MAML3: variants seen among roughly 807,000 people sequenced by gnomAD.
MAML3 encodes the protein mastermind like transcriptional coactivator 3.
Under a neutral mutation model 101.9 loss-of-function variants are expected in MAML3, and 27 were observed. The observed-to-expected ratio is 0.27, with a 90% CI of 0.20 to 0.37. The LOEUF (loss-of-function observed/expected upper bound fraction) is 0.37, where lower values mean the gene tolerates loss of function less well. Ranked by LOEUF, MAML3 falls within the 10% of genes least tolerant of loss-of-function variation. MAML3 has a pLI of 1.00. For missense variants in MAML3, 1,316 were observed against 1,444.9 expected (o/e 0.91, Z 1.45); for synonymous variants, 501 against 555.9 (o/e 0.90, Z 1.39).
chr4:139,985,334 C>T (rs1734516759), intron 1 of MAML3, among the ~76,000 whole-genome samples: 1 of 152,172 alleles, frequency 6.6e-6, no homozygotes, highest in African/African-American at 2.4e-5. Flanking sequence ...AGAAGGAAAA[C>T]CTGATCATGA....
intron 1 of MAML3, among the ~76,000 whole-genome samples, chr4:140,149,894 CTAAT>C (rs1324198135): frequency 6.7e-6 from 1 of 148,958 alleles, no homozygotes; most frequent in Non-Finnish European, 1.5e-5. Flanking sequence ...AACTTTTAAA[CTAAT>C]TATTTTAAAA....
At chr4:140,005,721 C>T (rs992758564) in intron 1 of MAML3, among the ~76,000 whole-genome samples, 1 of 152,132 alleles carries the variant, frequency 6.6e-6, no homozygotes, top group African/African-American at 2.4e-5. Flanking sequence ...TTAATGAGCG[C>T]CATAAACATT....
chr4:140,064,091 A>G (rs1225342630), intron 1 of MAML3, among the ~76,000 whole-genome samples: 1 of 152,078 alleles, frequency 6.6e-6, no homozygotes, highest in African/African-American at 2.4e-5. Flanking sequence ...CATCGTCCCC[A>G]CTTCTTACTG....
intron 2 of MAML3, among the ~76,000 whole-genome samples, chr4:139,780,619 TTTTC>T (rs1730182192): frequency 7.2e-6 from 1 of 138,114 alleles, no homozygotes; most frequent in Non-Finnish European, 1.6e-5. Flanking sequence ...TCTTTCTTTC[TTTTC>T]TTTTTTTTTT....
rs1213074012 is a variant in MAML3 at position 139,735,638 on chromosome 4, T to C, written c.2080-4971A>G. On this transcript the variant is annotated intron_variant, in intron 2 of 4. Coordinates refer to ENST00000509479, the MANE Select transcript of MAML3 (RefSeq NM_018717.5). This position sits in a 1 kb window ranked among gnomAD's most constrained non-coding sequence, Gnocchi z 5.8. Reference sequence around the variant, plus strand: ...TCAGAGTCCTTGCAATCGCTTGGCCTACGAACAACCTAAATGAAATTTAGG... The same window carrying C: ...TCAGAGTCCTTGCAATCGCTTGGCCCACGAACAACCTAAATGAAATTTAGG... Among the ~76,000 whole-genome samples, 1 of 152,174 alleles carries C rather than the reference T, an allele frequency of 6.6e-6. No homozygotes were observed. Among genetic ancestry groups the C allele is most frequent in the Non-Finnish European group, 1.5e-5 (1 of 68,026 alleles).
intron 2 of MAML3, among the ~76,000 whole-genome samples, chr4:139,863,197 T>G (rs1222098338): frequency 6.6e-6 from 1 of 151,340 alleles, no homozygotes; most frequent in African/African-American, 2.4e-5. Flanking sequence ...ACAGGGTTGC[T>G]GTGAAGGTGG....
chr4:139,875,535 C>A (rs757191447), intron 2 of MAML3, among the ~76,000 whole-genome samples: 1 of 152,124 alleles, frequency 6.6e-6, no homozygotes, highest in Non-Finnish European at 1.5e-5. Context: ...CTCATCAAAA[C>A]CCTAGAAAAC....
intron 1 of MAML3, among the ~76,000 whole-genome samples, chr4:139,986,682 C>T (rs927241946): frequency 8.6e-5 from 13 of 151,824 alleles, no homozygotes; most frequent in Middle Eastern, 3.4e-3. Context: ...AAAATAGAGG[C>T]CAAAGAGGTG....
chr4:139,749,181 G>T (rs1729420124), intron 2 of MAML3, among the ~76,000 whole-genome samples: 1 of 152,182 alleles, frequency 6.6e-6, no homozygotes, highest in East Asian at 1.9e-4. Context: ...TGTTCACAAA[G>T]ATATGATATA....
intron 1 of MAML3, among the ~76,000 whole-genome samples, chr4:140,072,029 C>T (rs1044027835): frequency 1.3e-5 from 2 of 152,160 alleles, no homozygotes; most frequent in African/African-American, 4.8e-5. Flanking sequence ...AAAGCAACCA[C>T]AAGTACCTCA....
intron 1 of MAML3, among the ~76,000 whole-genome samples, chr4:140,022,611 T>C (rs1202306968): frequency 3.3e-5 from 5 of 152,206 alleles, no homozygotes; most frequent in Admixed American, 3.3e-4. Context: ...AACTTGGTTC[T>C]AGAAATAGCA....
At chr4:139,963,885 A>T (rs576808271) in intron 1 of MAML3, among the ~76,000 whole-genome samples, 39 of 152,212 alleles carry the variant, frequency 2.6e-4, no homozygotes, top group Non-Finnish European at 2.8e-4. Context: ...TTAAGAGATG[A>T]TGATGGCTAT....
intron 2 of MAML3, among the ~76,000 whole-genome samples, chr4:139,752,505 C>T (rs116595585): frequency 5.3e-5 from 8 of 152,058 alleles, no homozygotes; most frequent in Admixed American, 1.3e-4. Flanking sequence ...CACTCCCCAC[C>T]GTCTTCTTTG....
At chr4:139,961,177 T>G (rs1180024051) in intron 1 of MAML3, among the ~76,000 whole-genome samples, 1 of 152,238 alleles carries the variant, frequency 6.6e-6, no homozygotes, top group African/African-American at 2.4e-5. Context: ...CTGTGTTTTC[T>G]TCTTGCCTCT....
chr4:139,814,025 AACACAC>A (rs70943442), intron 2 of MAML3, among the ~76,000 whole-genome samples: 38 of 145,138 alleles, frequency 2.6e-4, no homozygotes, highest in Admixed American at 4.9e-4. Context: ...CACAAACACA[AACACAC>A]ACACACACAC....
At chr4:139,734,994 G>A (rs2111004062) in intron 2 of MAML3, among the ~76,000 whole-genome samples, 1 of 152,352 alleles carries the variant, frequency 6.6e-6, no homozygotes, top group Non-Finnish European at 1.5e-5. Context: ...GTGTCAGCCC[G>A]GCCTCGTGCC....
chr4:140,074,185 G>T lies in MAML3; in HGVS notation c.468+78675C>A, dbSNP rs11934509. On this transcript the variant is annotated intron_variant, in intron 1 of 4. Coordinates refer to ENST00000509479, the MANE Select transcript of MAML3 (RefSeq NM_018717.5). ...GAGAAAGGAAAGAAAGAAAGAGAGA[G>T]AGAGAGAAAGAAAGAGAAAGAAAGA... is the stretch of plus-strand genomic sequence containing the variant. Among the ~76,000 whole-genome samples the T allele has an allele frequency of 6.6e-3, 862 of 130,344 alleles. 13 individuals are homozygous for T. The highest frequency in any genetic ancestry group is 0.022 in the African/African-American group (812 of 36,346). 85.5% of individuals were successfully genotyped at this position (130,344 alleles called of 152,430 possible).
At chr4:140,086,009 TA>T (rs1426724568) in intron 1 of MAML3, among the ~76,000 whole-genome samples, 1 of 152,256 alleles carries the variant, frequency 6.6e-6, no homozygotes, top group Non-Finnish European at 1.5e-5. Context: ...TGGCTCTAAC[TA>T]AAACTCATGT....
At chr4:140,108,209 C>T (rs1728383483) in intron 1 of MAML3, among the ~76,000 whole-genome samples, 1 of 152,044 alleles carries the variant, frequency 6.6e-6, no homozygotes, top group Non-Finnish European at 1.5e-5. Flanking sequence ...CTCATGCTGC[C>T]CCTCAGCCTG....
Sources: gnomAD v4.1 joint callset for allele counts (sites outside exome capture counted in the v4.1 genomes callset) on GRCh38, gnomAD v4.1.1 for gene constraint, Gnocchi (gnomAD v3.1) non-coding constraint, MANE v1.5 for transcripts, NCBI Gene and HGNC (gene_info 2026-07-23, HGNC 2026-07-21) for gene names.